The following LRRIQ1 variants were observed in gnomAD, a reference collection of about 807,000 sequenced individuals.
LRRIQ1 encodes leucine rich repeats and IQ motif containing 1.
LRRIQ1 carries 210 observed loss-of-function variants against 211.9 expected under a neutral mutation model. The ratio of observed to expected loss-of-function variants is 0.99; its 90% CI spans 0.89 to 1.11. The LOEUF is 1.11. Among genes scored for constraint, LRRIQ1 ranks in the 50% most tolerant of loss-of-function variants. LRRIQ1 has a pLI of 0.00. For synonymous variants in LRRIQ1, 699 were observed against 650.1 expected (o/e 1.08, Z -1.14); for missense variants, 2,136 against 1,939.5 (o/e 1.10, Z -1.90).
chr12:85,230,309 C>T (rs1336237643), intron 25 of LRRIQ1, among the ~76,000 whole-genome samples: 1 of 152,200 alleles, frequency 6.6e-6, no homozygotes, highest in Admixed American at 6.5e-5. Context: ...TCTCACTCAG[C>T]TCCAGAGGCT....
intron 8 of LRRIQ1, among the ~76,000 whole-genome samples, chr12:85,063,109 G>A (rs11609088): frequency 0.22 from 33,245 of 151,478 alleles, 4,317 homozygotes; most frequent in Admixed American, 0.31. Flanking sequence ...ATGTTTGTCC[G>A]GTGCATAGTC....
At chr12:85,212,472 C>A (rs1462158532) in intron 24 of LRRIQ1, among the ~76,000 whole-genome samples, 1 of 151,384 alleles carries the variant, frequency 6.6e-6, no homozygotes, top group Non-Finnish European at 1.5e-5. Context: ...ATCCAAGTTG[C>A]AAGAATATAG....
chr12:85,201,063 T>A (rs1043874505), intron 24 of LRRIQ1, among the ~76,000 whole-genome samples: 1 of 151,846 alleles, frequency 6.6e-6, no homozygotes, highest in African/African-American at 2.4e-5. Flanking sequence ...ACTCCTGACC[T>A]CAAATGATTC....
At chr12:85,159,014 T>G (rs1890716159) in intron 23 of LRRIQ1, among the ~76,000 whole-genome samples, 1 of 152,018 alleles carries the variant, frequency 6.6e-6, no homozygotes, top group South Asian at 2.1e-4. Flanking sequence ...CTTCTTATAA[T>G]TATCCCTTTG....
In LRRIQ1 at chr12:85,038,262, T is replaced by G. The variant is rs7312075; in HGVS notation, c.86T>G (p.Ile29Ser). 6.3e-7 allele frequency: 1 copy of G among 1,584,916 alleles called. No individual in the cohort carries two copies. Among genetic ancestry groups the G allele is most frequent in the Admixed American group, 1.8e-5 (1 of 56,990 alleles). ...LSISSLEKED[I>S]ESDAKSETQS... The stretch of plus-strand genomic sequence containing the variant: ...ATTTCCTCCTTGGAAAAAGAAGACA[T>G]TGAGAGTGATGCAAAATCAGAAACC... The change falls in exon 2 of 27, where the codon ATT (isoleucine) becomes AGT (serine). Residue 29 changes from isoleucine (I) to serine (S), a missense_variant. Transcript: ENST00000393217.
chr12:85,141,237 G>A (rs1317720226), intron 19 of LRRIQ1, among the ~76,000 whole-genome samples: 1 of 151,294 alleles, frequency 6.6e-6, no homozygotes, highest in African/African-American at 2.4e-5. Context: ...CTGTAGGTAA[G>A]TATATTGTTA....
At chr12:85,158,862 C>CTT (rs5799722) in intron 23 of LRRIQ1, among the ~76,000 whole-genome samples, 14 of 149,356 alleles carry the variant, frequency 9.4e-5, no homozygotes, top group Non-Finnish European at 1.9e-4. Context: ...TATCCCTTGG[C>CTT]TTTTTTTTTA....
At chr12:85,121,994 G>T in intron 16 of LRRIQ1, 118 bp downstream of exon 16, 1 of 781,400 alleles carries the variant, frequency 1.3e-6, no homozygotes, top group Non-Finnish European at 1.8e-6. Context: ...AGTGTGTTTT[G>T]GGGATATTCT....
chr12:85,197,179 C>T (rs1253899001), intron 24 of LRRIQ1, among the ~76,000 whole-genome samples: 1 of 152,144 alleles, frequency 6.6e-6, no homozygotes, highest in Non-Finnish European at 1.5e-5. Context: ...CAGGAAACAA[C>T]AGGTGCTGGA....
chr12:85,262,923 G>C, exon 2 of LRRIQ1: 2 of 983,960 alleles, frequency 2.0e-6, no homozygotes, highest in Non-Finnish European at 2.4e-6. Context: ...AGGTTGTTCA[G>C]TTAAGGGAAT....
At chr12:85,101,738 A>G (rs1220968829) in intron 13 of LRRIQ1, among the ~76,000 whole-genome samples, 2 of 151,948 alleles carry the variant, frequency 1.3e-5, no homozygotes, top group South Asian at 2.1e-4. Context: ...GAAGAAGAAA[A>G]CAAACATGAT....
chr12:85,084,921 A>G (rs1234254225), intron 11 of LRRIQ1, among the ~76,000 whole-genome samples: 2 of 151,380 alleles, frequency 1.3e-5, no homozygotes, highest in Non-Finnish European at 3.0e-5. Context: ...GTAAGACTCC[A>G]TCTCAAAAAA....
At chr12:85,175,937 T>A (rs1340101176) in intron 24 of LRRIQ1, among the ~76,000 whole-genome samples, 1 of 152,098 alleles carries the variant, frequency 6.6e-6, no homozygotes, top group Non-Finnish European at 1.5e-5. Context: ...AGTCAGGTAG[T>A]GTGATGCCTC....
intron 11 of LRRIQ1, among the ~76,000 whole-genome samples, chr12:85,073,907 A>T (rs560891838): frequency 6.6e-6 from 1 of 152,170 alleles, no homozygotes; most frequent in South Asian, 2.1e-4. Flanking sequence ...ACTCTTATGA[A>T]GGGAGACAAA....
intron 24 of LRRIQ1, among the ~76,000 whole-genome samples, chr12:85,228,120 T>A (rs1894757995): frequency 6.6e-6 from 1 of 152,150 alleles, no homozygotes; most frequent in Non-Finnish European, 1.5e-5. Flanking sequence ...GGGCAAGGAC[T>A]TCATGACTAA....
intron 21 of LRRIQ1, 36 bp downstream of exon 21, chr12:85,153,181 G>T: frequency 1.3e-6 from 2 of 1,548,124 alleles, no homozygotes; most frequent in South Asian, 1.2e-5. Context: ...ATCAACTTGT[G>T]AATGACAACA....
intron 24 of LRRIQ1, among the ~76,000 whole-genome samples, chr12:85,183,608 A>C (rs1440574695): frequency 6.6e-6 from 1 of 152,140 alleles, no homozygotes; most frequent in Non-Finnish European, 1.5e-5. Context: ...CATTATTAGC[A>C]CAGGAATAAT....
At chr12:85,083,415 A>G (rs552841585) in intron 11 of LRRIQ1, among the ~76,000 whole-genome samples, 132 of 150,832 alleles carry the variant, frequency 8.8e-4, no homozygotes, top group African/African-American at 3.0e-3. Flanking sequence ...ATTTCTGAAA[A>G]TGGATTATTA....
intron 24 of LRRIQ1, among the ~76,000 whole-genome samples, chr12:85,215,856 A>G (rs925039511): frequency 6.6e-6 from 1 of 152,208 alleles, no homozygotes; most frequent in Admixed American, 6.5e-5. Context: ...TATTGAACAA[A>G]TGAAAACAAA....
Sources: allele counts gnomAD v4.1 joint callset (sites outside exome capture counted in the v4.1 genomes callset), GRCh38; gene constraint gnomAD v4.1.1; transcripts MANE v1.5; gene names NCBI Gene and HGNC (gene_info 2026-07-23, HGNC 2026-07-21).